Variants in ANKS6 observed in about 807,000 individuals in gnomAD.
The protein encoded by ANKS6 is ankyrin repeat and sterile alpha motif domain containing 6.
In ANKS6, 47 loss-of-function variants were observed where a neutral mutation model predicts 77.9. The observed-to-expected ratio is 0.60, with a 90% confidence interval of 0.48 to 0.77. The LOEUF (loss-of-function observed/expected upper bound fraction) is 0.77. Ranked by LOEUF, ANKS6 falls within the 30% of genes least tolerant of loss-of-function variation. The pLI is 0.00. For synonymous variants in ANKS6, 488 were observed against 501.7 expected (o/e 0.97, Z 0.37); for missense variants, 1,150 against 1,159.1 (o/e 0.99, Z 0.11).
Position 98,732,400 on chromosome 9 carries a change from C to A in ANKS6, c.*4119G>T. On this transcript the variant is annotated 3_prime_UTR_variant, in exon 15 of 15. Coordinates refer to ENST00000353234, the MANE Select transcript of ANKS6 (RefSeq NM_173551.5). The stretch of plus-strand genomic sequence containing the variant: ...CTTTCTGTCTGCCATGCCAGGAAAT[C>A]CAGTGACAGCAAGACCCAGAGTCAG... The A allele has an allele frequency of 7.8e-7, 1 of 1,283,122 alleles. No homozygotes were observed. Among genetic ancestry groups the A allele is most frequent in the Admixed American group, 2.3e-5 (1 of 42,820 alleles). The allele number at this position is 1,283,122 out of a possible 1,614,324, so 79.5% of individuals were successfully genotyped here.
chr9:98,770,590 C>T (rs1048857019), intron 10 of ANKS6, among the ~76,000 whole-genome samples: 2 of 152,098 alleles, frequency 1.3e-5, no homozygotes, highest in African/African-American at 4.8e-5. Context: ...CAGGGTCTAA[C>T]CTTCAGAGAT....
At chr9:98,780,964 C>T (rs960197768) in intron 5 of ANKS6, among the ~76,000 whole-genome samples, 1 of 150,566 alleles carries the variant, frequency 6.6e-6, no homozygotes, top group Non-Finnish European at 1.5e-5. Context: ...TGCAGTGGCA[C>T]AATCTTGGCT....
rs534368552 is a variant in ANKS6, at chr9:98,736,356, G to C, written c.*163C>G. The C allele has an allele frequency of 1.1e-5, 15 of 1,426,458 alleles. No homozygotes were observed. In the Admixed American group the frequency reaches 4.4e-4, roughly 42 times the overall value. The allele number at this position is 1,426,458 out of a possible 1,614,324, so 88.4% of individuals were successfully genotyped here. ...TGTGTGTTGAAGTTTGTTGCAGCAAGAAGTACTACCAATGAATGCCGTCGA... is the reference window on the plus strand; with the variant it reads ...TGTGTGTTGAAGTTTGTTGCAGCAACAAGTACTACCAATGAATGCCGTCGA... On this transcript the variant is annotated 3_prime_UTR_variant, in exon 15 of 15. Coordinates refer to ENST00000353234, the MANE Select transcript of ANKS6 (RefSeq NM_173551.5).
intron 13 of ANKS6, 31 bp downstream of exon 13, chr9:98,750,998 T>G: frequency 6.4e-7 from 1 of 1,574,042 alleles, no homozygotes; most frequent in Non-Finnish European, 8.7e-7. Context: ...ATAGTAAGAT[T>G]TAAATTGACA....
chr9:98,751,028 C>T lies in ANKS6; in HGVS notation c.2394+1G>A, dbSNP rs897128993. ...TTGACATTCAAAAAGAGCATTCTTA[C>T]CTCTTGTTCCTCAAAAATGGGCTGA... is the stretch of plus-strand genomic sequence containing the variant. On this transcript the variant is annotated splice_donor_variant, in intron 13 of 14. Coordinates refer to ENST00000353234, the MANE Select transcript of ANKS6 (RefSeq NM_173551.5). LOFTEE classifies it high-confidence loss of function. 1.9e-6 allele frequency: 3 copies of T among 1,605,276 alleles called. No individual in the cohort carries two copies. In the East Asian group the frequency reaches 6.7e-5, roughly 36 times the overall value.
chr9:98,756,379 T>C (rs781108366), intron 12 of ANKS6, 41 bp downstream of exon 12: 1 of 1,588,374 alleles, frequency 6.3e-7, no homozygotes, highest in South Asian at 1.1e-5. Context: ...GTCATCATGG[T>C]GAGAGGAATA....
chr9:98,738,174 G>T (rs1235266804), intron 14 of ANKS6, among the ~76,000 whole-genome samples: 1 of 152,158 alleles, frequency 6.6e-6, no homozygotes, highest in East Asian at 1.9e-4. Flanking sequence ...CACTGGCTTA[G>T]ACAAGGATTT....
chr9:98,754,516 C>T (rs1832594854), intron 12 of ANKS6, among the ~76,000 whole-genome samples: 1 of 151,984 alleles, frequency 6.6e-6, no homozygotes. Context: ...GTGGCGGGCA[C>T]CTGAGGTCCC....
chr9:98,757,242 A>G (rs1369889614), intron 11 of ANKS6, among the ~76,000 whole-genome samples: 1 of 152,126 alleles, frequency 6.6e-6, no homozygotes, highest in African/African-American at 2.4e-5. Flanking sequence ...TAACTAAACT[A>G]CAGACTTCAC....
chr9:98,783,788 A>G, intron 4 of ANKS6, 165 bp downstream of exon 4: 1 of 549,790 alleles, frequency 1.8e-6, no homozygotes, highest in East Asian at 3.5e-5. Flanking sequence ...GTGGGACTAA[A>G]ATGAGCCTGT....
chr9:98,770,522 T>C (rs1361595956), intron 10 of ANKS6, among the ~76,000 whole-genome samples: 2 of 152,158 alleles, frequency 1.3e-5, no homozygotes, highest in Non-Finnish European at 2.9e-5. Context: ...GCAAATCTCT[T>C]GCCCATTGTG....
chr9:98,737,899 G>A (rs1022488488), intron 14 of ANKS6, among the ~76,000 whole-genome samples: 1 of 152,124 alleles, frequency 6.6e-6, no homozygotes, highest in African/African-American at 2.4e-5. Context: ...ATAGACCAAC[G>A]GAACAGAATA....
intron 10 of ANKS6, among the ~76,000 whole-genome samples, chr9:98,769,775 G>A (rs1164019343): frequency 6.6e-6 from 1 of 152,188 alleles, no homozygotes; most frequent in African/African-American, 2.4e-5. Flanking sequence ...TAAAACAGAG[G>A]TGGTAACTTC....
In ANKS6 at chr9:98,773,915, T is replaced by A; in HGVS notation, c.1783A>T (p.Ser595Cys). The A allele has an allele frequency of 6.3e-7, 1 of 1,591,054 alleles. No individual in the cohort carries two copies. The highest frequency in any genetic ancestry group is 1.1e-5 in the South Asian group (1 of 88,672). Residue 595 changes from serine (S) to cysteine (C), a missense_variant, in exon 9 of 15, where the codon AGC becomes TGC. Transcript: ENST00000353234. ...CCGCCGCCCACGGGGTGGCCCCTGC[T>A]GGCTCTCTGGGGCAGCGCAGTCTTC... ...PMKTALPQRASRGHPVGGGGT... is the reference protein window; with the variant it reads ...PMKTALPQRACRGHPVGGGGT...
intron 9 of ANKS6, among the ~76,000 whole-genome samples, chr9:98,772,715 C>A (rs990710077): frequency 6.6e-6 from 1 of 152,196 alleles, no homozygotes; most frequent in Non-Finnish European, 1.5e-5. Flanking sequence ...CTCACGTTCT[C>A]TCTCCCTCTA....
intron 3 of ANKS6, 161 bp from the exon 4 acceptor site, chr9:98,784,318 A>C: frequency 1.7e-6 from 1 of 580,896 alleles, no homozygotes; most frequent in Non-Finnish European, 2.9e-6. Flanking sequence ...GATAGCCCCG[A>C]CTCTTAAATG....
At chr9:98,775,189 C>T (rs1564208128) in intron 8 of ANKS6, among the ~76,000 whole-genome samples, 1 of 152,252 alleles carries the variant, frequency 6.6e-6, no homozygotes, top group Non-Finnish European at 1.5e-5. Flanking sequence ...TTTTCCCTCC[C>T]TGGGGTAACA....
chr9:98,776,039 G>T (rs919157334), intron 8 of ANKS6, among the ~76,000 whole-genome samples: 1 of 152,124 alleles, frequency 6.6e-6, no homozygotes, highest in African/African-American at 2.4e-5. Flanking sequence ...CCCTCTGCTG[G>T]CTAGTATTAG....
intron 14 of ANKS6, among the ~76,000 whole-genome samples, chr9:98,739,697 C>G (rs1831706478): frequency 6.6e-6 from 1 of 151,864 alleles, no homozygotes; most frequent in Non-Finnish European, 1.5e-5. Context: ...CCCCAACAGA[C>G]CCTGTGTGGG....
Sources: gnomAD v4.1 joint callset for allele counts (sites outside exome capture counted in the v4.1 genomes callset) on GRCh38, gnomAD v4.1.1 for gene constraint, MANE v1.5 for transcripts, NCBI Gene and HGNC (gene_info 2026-07-23, HGNC 2026-07-21) for gene names.